PCDH15: variants seen among roughly 807,000 people sequenced by gnomAD.
PCDH15 encodes protocadherin-15.
In PCDH15, 129 loss-of-function variants were observed where a neutral mutation model predicts 178.5. That is an observed-to-expected ratio of 0.72 (90% CI 0.63 to 0.84). PCDH15 has a LOEUF of 0.84. Among genes scored for constraint, PCDH15 ranks in the 40% least tolerant of loss-of-function variants. PCDH15 has a pLI of 0.00. For synonymous variants in PCDH15, 800 were observed against 732.0 expected (o/e 1.09, Z -1.50); for missense variants, 2,230 against 2,099.9 (o/e 1.06, Z -1.21).
At chr10:55,056,009 A>G (rs1841289811) in intron 2 of PCDH15, among the ~76,000 whole-genome samples, 1 of 152,076 alleles carries the variant, frequency 6.6e-6, no homozygotes, top group African/African-American at 2.4e-5. Flanking sequence ...GCCCTTTTAC[A>G]TTTCTTCCCT....
At chr10:55,361,403 T>C (rs1845226846) in intron 2 of PCDH15, among the ~76,000 whole-genome samples, 1 of 152,046 alleles carries the variant, frequency 6.6e-6, no homozygotes, top group Non-Finnish European at 1.5e-5. Context: ...GCCATGATTC[T>C]CCTCTGTAGT....
At chr10:54,777,691 C>G (rs1348230911) in intron 1 of PCDH15, among the ~76,000 whole-genome samples, 1 of 151,898 alleles carries the variant, frequency 6.6e-6, no homozygotes, top group Non-Finnish European at 1.5e-5. Flanking sequence ...TCCATATAAA[C>G]TTTCATTCAG....
At chr10:54,447,858 G>C (rs1450757194) in intron 3 of PCDH15, among the ~76,000 whole-genome samples, 1 of 151,608 alleles carries the variant, frequency 6.6e-6, no homozygotes, top group African/African-American at 2.4e-5. Context: ...ATTTTGATTT[G>C]ACAAGAAAGA....
intron 26 of PCDH15, among the ~76,000 whole-genome samples, chr10:53,870,326 A>T (rs561140071): frequency 6.6e-6 from 1 of 152,330 alleles, no homozygotes; most frequent in South Asian, 2.1e-4. Context: ...GATTTTTCAT[A>T]TAAATGCCTT....
chr10:54,249,846 A>G (rs1033816108), intron 8 of PCDH15, among the ~76,000 whole-genome samples: 4 of 152,152 alleles, frequency 2.6e-5, no homozygotes, highest in African/African-American at 9.7e-5. Flanking sequence ...TGGAATTTTA[A>G]TCTTTATCAT....
intron 26 of PCDH15, among the ~76,000 whole-genome samples, chr10:53,895,524 C>T (rs1194122753): frequency 1.3e-5 from 2 of 152,270 alleles, no homozygotes; most frequent in East Asian, 3.9e-4. Flanking sequence ...TCTTCTGACA[C>T]TGTTTTTCCA....
At chr10:55,404,103 G>T (rs545212984) in intron 2 of PCDH15, among the ~76,000 whole-genome samples, 1 of 151,972 alleles carries the variant, frequency 6.6e-6, no homozygotes, top group Non-Finnish European at 1.5e-5. Context: ...ATGTTTAAAT[G>T]TATAGTTAGA....
chr10:54,865,404 G>T (rs1953921671), intron 3 of PCDH15, among the ~76,000 whole-genome samples: 1 of 152,172 alleles, frequency 6.6e-6, no homozygotes, highest in South Asian at 2.1e-4. Flanking sequence ...TGAAGGCTGT[G>T]CTGACAGCTT....
intron 8 of PCDH15, among the ~76,000 whole-genome samples, chr10:54,267,297 T>C (rs1438324016): frequency 1.3e-5 from 2 of 151,856 alleles, no homozygotes; most frequent in East Asian, 1.9e-4. Flanking sequence ...GAACCATCTA[T>C]TGACAAACCC....
rs145006623 is a variant in PCDH15, at chr10:54,046,541, C to A, written c.2220+20216G>T. On this transcript the variant is annotated intron_variant, in intron 18 of 37. Transcript: ENST00000644397. ...ACTAATGCACACACACTCTAAAATT[C>A]TGTTTACAGGCTTCGAAAAAAGACA... Among the ~76,000 whole-genome samples, 1,120 of 152,198 alleles carry A rather than the reference C, an allele frequency of 7.4e-3. 10 individuals are homozygous for A. Among genetic ancestry groups the A allele is most frequent in the Non-Finnish European group, 0.013 (872 of 67,988 alleles).
intron 2 of PCDH15, among the ~76,000 whole-genome samples, chr10:54,968,586 T>C (rs977575721): frequency 6.6e-6 from 1 of 152,138 alleles, no homozygotes; most frequent in Non-Finnish European, 1.5e-5. Flanking sequence ...CTTTGAAAAT[T>C]TTTATTATGA....
chr10:54,132,795 CAAATAT>C, intron 15 of PCDH15, 74 bp downstream of exon 15: 2 of 1,546,570 alleles, frequency 1.3e-6, no homozygotes, highest in Non-Finnish European at 1.7e-6. Flanking sequence ...CCTCCATACA[CAAATAT>C]AAACTCATTA....
intron 2 of PCDH15, among the ~76,000 whole-genome samples, chr10:55,503,730 C>A (rs1457328416): frequency 6.6e-6 from 1 of 151,350 alleles, no homozygotes; most frequent in Admixed American, 6.6e-5. Context: ...GAAACCACCA[C>A]ACACTTATGA....
intron 3 of PCDH15, among the ~76,000 whole-genome samples, chr10:54,421,802 C>G (rs1955413301): frequency 8.6e-6 from 1 of 115,826 alleles, no homozygotes; most frequent in Non-Finnish European, 1.7e-5. Flanking sequence ...TATATAGGTA[C>G]ATGTGTAGTG....
intron 15 of PCDH15, among the ~76,000 whole-genome samples, chr10:54,113,395 C>T (rs1274797551): frequency 2.6e-5 from 4 of 152,134 alleles, no homozygotes; most frequent in Admixed American, 1.3e-4. Flanking sequence ...TTCTCTGAGG[C>T]AGCAAAACAT....
chr10:54,393,838 C>A (rs913247151), intron 3 of PCDH15, among the ~76,000 whole-genome samples: 2 of 152,050 alleles, frequency 1.3e-5, no homozygotes, highest in Non-Finnish European at 2.9e-5. Context: ...TTATATACAA[C>A]CCTATAGCTA....
chr10:54,476,445 CT>C (rs1205195185), intron 3 of PCDH15, among the ~76,000 whole-genome samples: 2 of 151,904 alleles, frequency 1.3e-5, no homozygotes, highest in East Asian at 3.9e-4. Flanking sequence ...CAGGTGGTAA[CT>C]TTTTTTCCCC....
intron 8 of PCDH15, among the ~76,000 whole-genome samples, chr10:54,314,434 C>G (rs958074207): frequency 1.3e-5 from 2 of 151,904 alleles, no homozygotes; most frequent in Non-Finnish European, 2.9e-5. Flanking sequence ...ATACTTGAAC[C>G]TTACATGCTT....
chr10:54,682,522 A>AT (rs556987794), intron 1 of PCDH15, among the ~76,000 whole-genome samples: 209 of 152,314 alleles, frequency 1.4e-3, no homozygotes, highest in African/African-American at 4.9e-3. Context: ...GAACAATATG[A>AT]TTTTTTAAAC....
Sources: allele counts gnomAD v4.1 joint callset (sites outside exome capture counted in the v4.1 genomes callset), GRCh38; gene constraint gnomAD v4.1.1; transcripts MANE v1.5; gene names NCBI Gene and HGNC (gene_info 2026-07-23, HGNC 2026-07-21).